The following DOCK2 variants were observed in gnomAD, a reference collection of about 807,000 sequenced individuals.
The protein encoded by DOCK2 is dedicator of cytokinesis protein 2.
DOCK2 carries 87 observed loss-of-function variants against 248.9 expected under a neutral mutation model. The observed-to-expected ratio is 0.35, with a 90% CI of 0.29 to 0.42. DOCK2 has a LOEUF of 0.42. DOCK2 is among the 10% of genes least tolerant of loss of function. The pLI, the probability that DOCK2 is intolerant of heterozygous loss-of-function variation, is 1.00. For synonymous variants in DOCK2, 805 were observed against 821.6 expected (o/e 0.98, Z 0.35); for missense variants, 1,747 against 2,300.2 (o/e 0.76, Z 4.92).
At chr5:169,884,320 A>G (rs1772846196) in intron 27 of DOCK2, 1 of 157,036 alleles carries the variant, frequency 6.4e-6, no homozygotes, top group Non-Finnish European at 1.4e-5. Context: ...CCAATGAGTG[A>G]ATTCCAAAAG....
chr5:170,018,812 G>C, intron 32 of DOCK2, 148 bp from the exon 33 acceptor site: 1 of 1,022,302 alleles, frequency 9.8e-7, no homozygotes, highest in African/African-American at 1.6e-5. Flanking sequence ...GTTCAAAACG[G>C]TGCCTGGCTC....
Position 169,892,776 on chromosome 5 carries a change from A to AG in DOCK2, c.2799+51925dup, listed in dbSNP as rs768759552. Among the ~76,000 whole-genome samples the AG allele has an allele frequency of 7.2e-5, 11 of 152,346 alleles. No homozygotes were observed. In the South Asian group the frequency reaches 2.3e-3, roughly 32 times the overall value. On this transcript the variant is annotated intron_variant, in intron 27 of 51. Transcript: ENST00000520908. ...TGCAAGACAGCACAGAGGACAGTAGAGTGAACATAACAAACATGACCAGCC... is the reference window on the plus strand; with the variant it reads ...TGCAAGACAGCACAGAGGACAGTAGAGGTGAACATAACAAACATGACCAGCC...
At chr5:169,827,787 G>GCTT (rs1768963426) in intron 26 of DOCK2, among the ~76,000 whole-genome samples, 1 of 152,232 alleles carries the variant, frequency 6.6e-6, no homozygotes, top group Non-Finnish European at 1.5e-5. Flanking sequence ...TTTCCAGAAA[G>GCTT]AGCTGGGGAT....
At chr5:169,738,118 G>A (rs1763134379) in intron 22 of DOCK2, among the ~76,000 whole-genome samples, 1 of 152,234 alleles carries the variant, frequency 6.6e-6, no homozygotes, top group African/African-American at 2.4e-5. Flanking sequence ...TTGCTTGGTG[G>A]TGGGGATAGA....
chr5:170,053,108 C>T (rs947612429), intron 41 of DOCK2, among the ~76,000 whole-genome samples: 3 of 152,180 alleles, frequency 2.0e-5, no homozygotes, highest in African/African-American at 7.2e-5. Context: ...GCCCCAGTTC[C>T]GCGCATACAT....
chr5:169,695,421 A>G (rs921129961), intron 9 of DOCK2: 11 of 185,160 alleles, frequency 5.9e-5, no homozygotes, highest in Non-Finnish European at 1.0e-4. Context: ...GGTTCTGAGC[A>G]ATGATGTGAC....
chr5:169,690,052 A>ATT (rs530581976), intron 9 of DOCK2, among the ~76,000 whole-genome samples: 2,853 of 134,958 alleles, frequency 0.021, 55 homozygotes, highest in East Asian at 0.078. Flanking sequence ...GAAGAGTGTG[A>ATT]TTTTTTTTTT....
At chr5:169,810,629 A>G (rs1360343344) in intron 26 of DOCK2, among the ~76,000 whole-genome samples, 1 of 152,178 alleles carries the variant, frequency 6.6e-6, no homozygotes, top group Non-Finnish European at 1.5e-5. Flanking sequence ...CTTCCTTATC[A>G]TGCCAGCTCA....
At chr5:170,060,387 A>G (rs1031862872) in intron 44 of DOCK2, among the ~76,000 whole-genome samples, 4 of 152,216 alleles carry the variant, frequency 2.6e-5, no homozygotes, top group African/African-American at 9.7e-5. Flanking sequence ...AAACTGGAAT[A>G]CCTTCATAGC....
At chr5:170,019,629 G>T (rs559461373) in intron 33 of DOCK2, among the ~76,000 whole-genome samples, 1 of 152,240 alleles carries the variant, frequency 6.6e-6, no homozygotes, top group South Asian at 2.1e-4. Context: ...AGCATGGAGG[G>T]CGCCAGAACC....
intron 27 of DOCK2, among the ~76,000 whole-genome samples, chr5:169,915,762 G>A (rs933669994): frequency 1.3e-5 from 2 of 152,158 alleles, no homozygotes; most frequent in African/African-American, 4.8e-5. Context: ...TGAGCAAAGT[G>A]TTTTACTGAA....
At position 169,651,596 on chromosome 5, in the gene DOCK2, T is replaced by C. The variant is rs543038306; in HGVS notation, c.44-2807T>C. ...TCTTCTGTTGGAAGCCTCAGTTGCT[T>C]CCACCATCCTGTCCAGTTCTACTGC... On this transcript the variant is annotated intron_variant, in intron 1 of 51. Coordinates refer to ENST00000520908, the MANE Select transcript of DOCK2 (RefSeq NM_004946.3). Among the ~76,000 whole-genome samples the C allele has an allele frequency of 3.7e-4, 56 of 152,244 alleles. 1 individual carries two copies. In the East Asian group the frequency reaches 9.7e-3, roughly 26 times the overall value.
At chr5:170,071,044 A>C (rs1389012820) in intron 46 of DOCK2, among the ~76,000 whole-genome samples, 1 of 152,122 alleles carries the variant, frequency 6.6e-6, no homozygotes, top group Non-Finnish European at 1.5e-5. Context: ...CCACCTATAC[A>C]GAGGCCCACC....
intron 25 of DOCK2, among the ~76,000 whole-genome samples, chr5:169,783,916 A>C (rs1765844912): frequency 1.3e-5 from 2 of 152,180 alleles, no homozygotes; most frequent in Non-Finnish European, 2.9e-5. Flanking sequence ...TCTCCTAGGA[A>C]GGCGGAGATA....
In DOCK2 at chr5:169,702,486, A is replaced by G. The variant is rs567985199; in HGVS notation, c.1383+59A>G. ...TCCGCCTTGGGGGCCTCTGCTTGTA[A>G]AGACGTACTTTTCCTCTCCCTGATT... is the stretch of plus-strand genomic sequence containing the variant. On this transcript the variant is annotated intron_variant, in intron 14 of 51. Coordinates refer to ENST00000520908, the MANE Select transcript of DOCK2 (RefSeq NM_004946.3). The G allele has an allele frequency of 1.1e-4, 173 of 1,601,630 alleles. No homozygotes were observed. In the East Asian group the frequency reaches 1.6e-3, roughly 15 times the overall value.
intron 34 of DOCK2, among the ~76,000 whole-genome samples, chr5:170,030,720 G>A (rs931837422): frequency 3.9e-5 from 6 of 152,176 alleles, no homozygotes; most frequent in Non-Finnish European, 7.3e-5. Context: ...ACTTACAGGT[G>A]GATAGCATTG....
intron 27 of DOCK2, among the ~76,000 whole-genome samples, chr5:169,864,997 T>C (rs1272381396): frequency 6.6e-6 from 1 of 152,242 alleles, no homozygotes; most frequent in Non-Finnish European, 1.5e-5. Flanking sequence ...TAGCTTCTAT[T>C]ACCGCTATCA....
intron 33 of DOCK2, among the ~76,000 whole-genome samples, chr5:170,022,786 C>T (rs1021062707): frequency 1.3e-5 from 2 of 152,218 alleles, no homozygotes; most frequent in Admixed American, 6.5e-5. Context: ...AAGCTGGTCT[C>T]TCAGTCCTGA....
intron 26 of DOCK2, among the ~76,000 whole-genome samples, chr5:169,825,855 A>G (rs13167784): frequency 0.17 from 25,878 of 150,934 alleles, 2,607 homozygotes; most frequent in Admixed American, 0.23. Context: ...AAAACAAAAA[A>G]ATCTCTCCTG....
Sources: gnomAD v4.1 joint callset for allele counts (sites outside exome capture counted in the v4.1 genomes callset) on GRCh38, gnomAD v4.1.1 for gene constraint, MANE v1.5 for transcripts, NCBI Gene and HGNC (gene_info 2026-07-23, HGNC 2026-07-21) for gene names.